EHBP1: variants seen among roughly 807,000 people sequenced by gnomAD.
EHBP1 encodes the protein EH domain binding protein 1, also known as EH domain-binding protein 1.
In EHBP1, 55 loss-of-function variants were observed where a neutral mutation model predicts 144.0. The observed-to-expected ratio is 0.38, with a 90% CI of 0.31 to 0.48. The LOEUF (loss-of-function observed/expected upper bound fraction) is 0.48, where lower values mean the gene tolerates loss of function less well. Among genes scored for constraint, EHBP1 ranks in the 20% least tolerant of loss-of-function variants. The pLI is 0.98. For synonymous variants in EHBP1, 469 were observed against 472.7 expected (o/e 0.99, Z 0.10); for missense variants, 1,200 against 1,364.2 (o/e 0.88, Z 1.90).
intron 2 of EHBP1, among the ~76,000 whole-genome samples, chr2:62,723,834 T>C (rs969317923): frequency 6.6e-6 from 1 of 152,240 alleles, no homozygotes; most frequent in Admixed American, 6.5e-5. Context: ...TTAAGGTTTC[T>C]TCTGCTGAGA....
At chr2:63,018,675 TA>T (rs950156278) in intron 19 of EHBP1, among the ~76,000 whole-genome samples, 1 of 152,242 alleles carries the variant, frequency 6.6e-6, no homozygotes, top group African/African-American at 2.4e-5. Context: ...AACAAATGTA[TA>T]CAGTTTCTAC....
intron 5 of EHBP1, among the ~76,000 whole-genome samples, chr2:62,791,631 T>C (rs559321405): frequency 6.6e-6 from 1 of 151,958 alleles, no homozygotes; most frequent in Non-Finnish European, 1.5e-5. Context: ...AAATAAAAAA[T>C]AGGTTATGAT....
intron 5 of EHBP1, among the ~76,000 whole-genome samples, chr2:62,809,820 C>T (rs959042038): frequency 6.6e-6 from 1 of 152,162 alleles, no homozygotes; most frequent in African/African-American, 2.4e-5. Flanking sequence ...GATTTGTCTA[C>T]ACCTAGCCTC....
At chr2:62,828,479 A>G (rs1414987045) in intron 6 of EHBP1, among the ~76,000 whole-genome samples, 1 of 152,226 alleles carries the variant, frequency 6.6e-6, no homozygotes, top group African/African-American at 2.4e-5. Context: ...TTAACATACA[A>G]TCATCCAAGG....
intron 2 of EHBP1, among the ~76,000 whole-genome samples, chr2:62,737,714 T>A (rs2038288203): frequency 6.6e-6 from 1 of 152,158 alleles, no homozygotes; most frequent in Non-Finnish European, 1.5e-5. Flanking sequence ...GTATGAGGGT[T>A]CCAGTTTCAT....
rs187288018 is a variant in EHBP1, at chr2:62,958,160, T to C, written c.2460+2500T>C. On this transcript the variant is annotated intron_variant, in intron 14 of 22. Transcript: ENST00000431489. ...ACAACCATCTTGAAAAACAGGCCATTGCTTATGAAGCTAAACATACACTTA... is the reference window on the plus strand; with the variant it reads ...ACAACCATCTTGAAAAACAGGCCATCGCTTATGAAGCTAAACATACACTTA... Among the ~76,000 whole-genome samples the C allele has an allele frequency of 9.6e-3, 1,464 of 152,252 alleles. 16 individuals are homozygous for C. Among genetic ancestry groups the C allele is most frequent in the Middle Eastern group, 0.024 (7 of 294 alleles).
chr2:63,041,613 C>T (rs2061662614), intron 21 of EHBP1, among the ~76,000 whole-genome samples: 1 of 152,096 alleles, frequency 6.6e-6, no homozygotes, highest in African/African-American at 2.4e-5. Flanking sequence ...TCCCCTAAAA[C>T]CCCATTTGTA....
In EHBP1 at chr2:62,950,645, A is replaced by G. The variant is rs141389032; in HGVS notation, c.2316+1483A>G. Among the ~76,000 whole-genome samples, 114 of 152,266 alleles carry G rather than the reference A, an allele frequency of 7.5e-4. 1 individual carries two copies. In the East Asian group the frequency reaches 0.021, roughly 28 times the overall value. ...GATCCTCAATAATTTTTAAGCATAT[A>G]TGGGGATTTCGAGACCAAAAAATTG... On this transcript the variant is annotated intron_variant, in intron 13 of 22. Transcript: ENST00000431489.
intron 14 of EHBP1, among the ~76,000 whole-genome samples, chr2:62,958,152 C>G (rs1417452327): frequency 2.0e-5 from 3 of 152,122 alleles, no homozygotes; most frequent in Non-Finnish European, 4.4e-5. Context: ...TCTTGAAAAA[C>G]AGGCCATTGC....
At chr2:63,044,954 A>G in intron 21 of EHBP1, 112 bp from the exon 22 acceptor site, 2 of 731,818 alleles carry the variant, frequency 2.7e-6, no homozygotes, top group East Asian at 5.7e-5. Flanking sequence ...GTGGCTCTAT[A>G]ATGTGGTTTG....
At chr2:62,969,904 A>T (rs528595545) in intron 14 of EHBP1, among the ~76,000 whole-genome samples, 38 of 152,310 alleles carry the variant, frequency 2.5e-4, no homozygotes, top group South Asian at 1.5e-3. Flanking sequence ...AAGATCTGCT[A>T]AACAGTTTTA....
At chr2:63,030,954 C>T (rs189064101) in intron 19 of EHBP1, among the ~76,000 whole-genome samples, 14 of 151,888 alleles carry the variant, frequency 9.2e-5, no homozygotes, top group South Asian at 2.1e-4. Context: ...CGCCACCACA[C>T]CCAGCTAATT....
chr2:63,037,413 C>A, intron 19 of EHBP1, 122 bp from the exon 20 acceptor site: 1 of 602,654 alleles, frequency 1.7e-6, no homozygotes, highest in Non-Finnish European at 2.8e-6. Flanking sequence ...TTCTTATAAG[C>A]AGTTTAATAT....
intron 19 of EHBP1, among the ~76,000 whole-genome samples, chr2:63,012,159 G>T (rs891305511): frequency 2.0e-5 from 3 of 151,848 alleles, no homozygotes; most frequent in Non-Finnish European, 4.4e-5. Context: ...TTAATTTCAT[G>T]CTCTAATATA....
chr2:63,029,564 G>A (rs1336131101), intron 19 of EHBP1, among the ~76,000 whole-genome samples: 4 of 151,270 alleles, frequency 2.6e-5, no homozygotes, highest in Admixed American at 1.3e-4. Flanking sequence ...TTGTAGTCTT[G>A]GGTTCTGCAC....
intron 21 of EHBP1, among the ~76,000 whole-genome samples, chr2:63,042,672 A>G (rs1377936526): frequency 6.6e-6 from 1 of 151,912 alleles, no homozygotes; most frequent in Non-Finnish European, 1.5e-5. Flanking sequence ...TAAATTACTC[A>G]ATACTTCAAA....
chr2:63,041,717 G>A (rs1025220109), intron 21 of EHBP1, among the ~76,000 whole-genome samples: 1 of 152,120 alleles, frequency 6.6e-6, no homozygotes, highest in Non-Finnish European at 1.5e-5. Flanking sequence ...CTGTTCTGAT[G>A]ATGATGCAAA....
intron 5 of EHBP1, among the ~76,000 whole-genome samples, chr2:62,778,042 A>G (rs769514882): frequency 3.9e-5 from 6 of 152,136 alleles, no homozygotes; most frequent in Non-Finnish European, 8.8e-5. Flanking sequence ...GTCCTCCGTG[A>G]AGATCAGTGG....
chr2:62,976,110 C>T (rs1412380693), intron 14 of EHBP1, among the ~76,000 whole-genome samples: 1 of 152,064 alleles, frequency 6.6e-6, no homozygotes, highest in Non-Finnish European at 1.5e-5. Context: ...TTTTGAATAT[C>T]ATATTGGACT....
Sources: gnomAD v4.1 joint callset for allele counts (sites outside exome capture counted in the v4.1 genomes callset) on GRCh38, gnomAD v4.1.1 for gene constraint, MANE v1.5 for transcripts, NCBI Gene and HGNC (gene_info 2026-07-23, HGNC 2026-07-21) for gene names.